Variants in GPC5 observed in about 807,000 individuals in gnomAD.
The protein encoded by GPC5 is glypican-5.
GPC5 carries 47 observed loss-of-function variants against 53.9 expected under a neutral mutation model. That is an observed-to-expected ratio of 0.87 (90% CI 0.69 to 1.11). The LOEUF is 1.11. Ranked by LOEUF, GPC5 falls within the 50% of genes most tolerant of loss-of-function variation. The pLI, the probability that GPC5 is intolerant of heterozygous loss-of-function variation, is 0.00. For missense variants in GPC5, 748 were observed against 713.1 expected, an observed-to-expected ratio of 1.05 and a Z score of -0.56; for synonymous variants, 286 against 263.3, an observed-to-expected ratio of 1.09 and a Z score of -0.84.
chr13:92,617,991 C>T (rs1884751934), intron 7 of GPC5, among the ~76,000 whole-genome samples: 1 of 152,158 alleles, frequency 6.6e-6, no homozygotes. Context: ...AAGGAAGTAA[C>T]ACCTAATGCT....
intron 5 of GPC5, among the ~76,000 whole-genome samples, chr13:91,784,950 T>C (rs1190183667): frequency 6.6e-6 from 1 of 152,230 alleles, no homozygotes; most frequent in Non-Finnish European, 1.5e-5. Flanking sequence ...CTCTGATTGC[T>C]AAGCCCAGTG....
intron 6 of GPC5, among the ~76,000 whole-genome samples, chr13:91,936,961 T>C (rs1430565662): frequency 6.6e-6 from 1 of 152,046 alleles, no homozygotes; most frequent in African/African-American, 2.4e-5. Flanking sequence ...GCTCTACTGC[T>C]GACGGCTTAT....
At chr13:92,372,910 T>G (rs2043662906) in intron 7 of GPC5, among the ~76,000 whole-genome samples, 1 of 152,208 alleles carries the variant, frequency 6.6e-6, no homozygotes, top group Non-Finnish European at 1.5e-5. Context: ...AGGAAATAAC[T>G]CCATTATTAC....
rs2036310178 is a variant in GPC5, at chr13:91,715,187, C to T, written c.1021-13345C>T. ...CATGGCACACTGTAGGGGTGTCTCA[C>T]AGAAAGCTGCTTCTGCCCCATCCCT... On this transcript the variant is annotated intron_variant, in intron 3 of 7. Transcript: ENST00000377067. Among the ~76,000 whole-genome samples, 2 of 152,180 alleles carry T rather than the reference C, an allele frequency of 1.3e-5. 1 individual carries two copies. Among genetic ancestry groups the T allele is most frequent in the Non-Finnish European group, 2.9e-5 (2 of 68,032 alleles).
At chr13:91,582,845 T>C (rs1056380819) in intron 2 of GPC5, among the ~76,000 whole-genome samples, 13 of 152,054 alleles carry the variant, frequency 8.5e-5, no homozygotes, top group African/African-American at 2.9e-4. Context: ...ATACCGTGTC[T>C]CTACTAAATA....
intron 7 of GPC5, among the ~76,000 whole-genome samples, chr13:92,485,927 T>C (rs1594242202): frequency 6.6e-6 from 1 of 152,064 alleles, no homozygotes; most frequent in African/African-American, 2.4e-5. Context: ...GATGGTGCCA[T>C]TGCACTCCAG....
At chr13:91,502,249 A>T (rs771178897) in intron 2 of GPC5, among the ~76,000 whole-genome samples, 1 of 151,900 alleles carries the variant, frequency 6.6e-6, no homozygotes, top group Non-Finnish European at 1.5e-5. Flanking sequence ...CTTTAGTTTA[A>T]TTAGATCCCA....
chr13:92,493,648 A>G (rs952179236), intron 7 of GPC5, among the ~76,000 whole-genome samples: 2 of 152,198 alleles, frequency 1.3e-5, no homozygotes, highest in African/African-American at 4.8e-5. Context: ...TTCAGAGTTC[A>G]GTAATTCCTA....
chr13:92,594,717 T>A (rs553208628), intron 7 of GPC5, among the ~76,000 whole-genome samples: 20 of 152,294 alleles, frequency 1.3e-4, no homozygotes, highest in Admixed American at 8.5e-4. Flanking sequence ...AAGAACTCTG[T>A]CATGTTTACA....
chr13:92,253,419 A>C (rs938836269), intron 7 of GPC5, among the ~76,000 whole-genome samples: 1 of 112,242 alleles, frequency 8.9e-6, no homozygotes, highest in Non-Finnish European at 2.0e-5. Context: ...TATAGGTAGA[A>C]ATAACAGGAG....
In GPC5 at chr13:91,776,892, C is replaced by A. The variant is rs139356037; in HGVS notation, c.1280+20472C>A. Among the ~76,000 whole-genome samples the A allele has an allele frequency of 2.4e-4, 36 of 152,292 alleles. 1 individual carries two copies. In the East Asian group the frequency reaches 6.4e-3, roughly 27 times the overall value. On this transcript the variant is annotated intron_variant, in intron 5 of 7. Coordinates refer to ENST00000377067, the MANE Select transcript of GPC5 (RefSeq NM_004466.6). ...CAATCCAGTGCCTGTCATCATGCAACCATCAGAAAATAATTAAATCTCTCT... is the reference window on the plus strand; with the variant it reads ...CAATCCAGTGCCTGTCATCATGCAAACATCAGAAAATAATTAAATCTCTCT...
rs577300779 is a variant in GPC5, at chr13:92,198,618, G to A, written c.1561+53629G>A. ...GTCAGGATGTAGACACATTGCTCCC[G>A]TCAAGACTGATGTCAAGAGGAAATC... On this transcript the variant is annotated intron_variant, in intron 7 of 7. Coordinates refer to ENST00000377067, the MANE Select transcript of GPC5 (RefSeq NM_004466.6). 2.2e-3 allele frequency among the ~76,000 whole-genome samples: 333 copies of A among 152,262 alleles called. 2 individuals carry two copies. Among genetic ancestry groups the A allele is most frequent in the South Asian group, 0.022 (104 of 4,828 alleles).
intron 7 of GPC5, among the ~76,000 whole-genome samples, chr13:92,247,208 T>A (rs1350940936): frequency 6.6e-6 from 1 of 152,186 alleles, no homozygotes; most frequent in African/African-American, 2.4e-5. Flanking sequence ...TAATGTTAAA[T>A]ACCTTTCAGC....
intron 7 of GPC5, among the ~76,000 whole-genome samples, chr13:92,719,314 A>G (rs1888435549): frequency 6.6e-6 from 1 of 152,142 alleles, no homozygotes; most frequent in African/African-American, 2.4e-5. Flanking sequence ...AAAAAATACT[A>G]TTTAACCATG....
At chr13:92,332,927 T>C (rs1291309723) in intron 7 of GPC5, among the ~76,000 whole-genome samples, 1 of 152,202 alleles carries the variant, frequency 6.6e-6, no homozygotes. Context: ...AAAAGTGAAA[T>C]GACTGATAAG....
At chr13:91,504,675 A>C (rs1181954371) in intron 2 of GPC5, among the ~76,000 whole-genome samples, 1 of 152,176 alleles carries the variant, frequency 6.6e-6, no homozygotes, top group Admixed American at 6.5e-5. Context: ...AAAGAAACTT[A>C]TGCTGGGTAT....
At chr13:92,302,376 A>T (rs1305348984) in intron 7 of GPC5, among the ~76,000 whole-genome samples, 4 of 152,194 alleles carry the variant, frequency 2.6e-5, no homozygotes, top group Non-Finnish European at 5.9e-5. Flanking sequence ...TACAGTGGAA[A>T]TTGTGAAATT....
chr13:92,682,472 A>T (rs1339324200), intron 7 of GPC5, among the ~76,000 whole-genome samples: 1 of 152,210 alleles, frequency 6.6e-6, no homozygotes, highest in African/African-American at 2.4e-5. Flanking sequence ...ACATGTTATT[A>T]TAATCTTATT....
chr13:91,471,473 G>C lies in GPC5; in HGVS notation c.325+22551G>C, dbSNP rs150292295. 2.0e-5 allele frequency among the ~76,000 whole-genome samples: 3 copies of C among 152,206 alleles called. No individual in the cohort carries two copies. The South Asian group carries it at 6.2e-4, about 32-fold the overall frequency. ...ACTCTGGTTTATTTAACGGTGTTGCGATTGTACTGGGATATACTTTTTCAG... is the reference window on the plus strand; with the variant it reads ...ACTCTGGTTTATTTAACGGTGTTGCCATTGTACTGGGATATACTTTTTCAG... On this transcript the variant is annotated intron_variant, in intron 2 of 7. Transcript: ENST00000377067.
Sources: allele counts gnomAD v4.1 joint callset (sites outside exome capture counted in the v4.1 genomes callset), GRCh38; gene constraint gnomAD v4.1.1; transcripts MANE v1.5; gene names NCBI Gene and HGNC (gene_info 2026-07-23, HGNC 2026-07-21).